HIRA: variants seen among roughly 807,000 people sequenced by gnomAD.
HIRA encodes protein HIRA.
HIRA carries 13 observed loss-of-function variants against 126.6 expected under a neutral mutation model. The ratio of observed to expected loss-of-function variants is 0.10; its 90% confidence interval spans 0.07 to 0.16. HIRA has a LOEUF of 0.16. Ranked by LOEUF, HIRA falls within the 10% of genes least tolerant of loss-of-function variation. The pLI is 1.00. For missense variants in HIRA, 834 were observed against 1,314.4 expected, an observed-to-expected ratio of 0.63 and a Z score of 5.65; for synonymous variants, 511 against 520.0, an observed-to-expected ratio of 0.98 and a Z score of 0.24.
chr22:19,402,027 A>T (rs1233170376), intron 5 of HIRA, among the ~76,000 whole-genome samples: 2 of 152,154 alleles, frequency 1.3e-5, no homozygotes, highest in Non-Finnish European at 2.9e-5. Context: ...CCATGCTCCA[A>T]GGCCTTCGCA....
At chr22:19,417,308 G>A (rs116403081) in intron 1 of HIRA, among the ~76,000 whole-genome samples, 2,634 of 152,046 alleles carry the variant, frequency 0.017, 64 homozygotes, top group African/African-American at 0.059. Context: ...CCACAATTAC[G>A]TATTACCTCA....
chr22:19,400,483 G>A (rs1187011926), intron 5 of HIRA, among the ~76,000 whole-genome samples: 1 of 152,124 alleles, frequency 6.6e-6, no homozygotes, highest in Non-Finnish European at 1.5e-5. Flanking sequence ...TCAAACCCAT[G>A]ATGTTTCTAT....
intron 1 of HIRA, among the ~76,000 whole-genome samples, chr22:19,429,547 G>C (rs969251727): frequency 5.3e-5 from 8 of 152,202 alleles, no homozygotes; most frequent in Non-Finnish European, 1.0e-4. Flanking sequence ...GAAGTGGTTA[G>C]AGTAGATATT....
chr22:19,398,872 G>A (rs28674677), intron 5 of HIRA, among the ~76,000 whole-genome samples: 52 of 152,092 alleles, frequency 3.4e-4, no homozygotes, highest in African/African-American at 1.3e-3. Context: ...AGGAAGTTGA[G>A]GTGGGAGGAT....
chr22:19,376,966 G>A (rs1361312697), intron 14 of HIRA, among the ~76,000 whole-genome samples: 1 of 152,158 alleles, frequency 6.6e-6, no homozygotes, highest in Non-Finnish European at 1.5e-5. Flanking sequence ...AGCCTTCTAC[G>A]TCTCCACTCT....
chr22:19,419,918 C>T (rs1311068503), intron 1 of HIRA, among the ~76,000 whole-genome samples: 2 of 152,148 alleles, frequency 1.3e-5, no homozygotes, highest in Admixed American at 1.3e-4. Flanking sequence ...CTACCACTTT[C>T]GACCACAAAA....
At chr22:19,397,191 T>C (rs2089230993) in intron 6 of HIRA, among the ~76,000 whole-genome samples, 1 of 152,186 alleles carries the variant, frequency 6.6e-6, no homozygotes, top group Non-Finnish European at 1.5e-5. Flanking sequence ...CTTATCTGTA[T>C]CTAGCGGCCC....
At chr22:19,337,901 C>A (rs1408285858) in intron 24 of HIRA, among the ~76,000 whole-genome samples, 18 of 152,092 alleles carry the variant, frequency 1.2e-4, no homozygotes, top group Admixed American at 1.2e-3. Context: ...ACGCAATTCT[C>A]CTGCCTCAGC....
intron 5 of HIRA, among the ~76,000 whole-genome samples, chr22:19,401,974 C>T (rs557323004): frequency 1.3e-5 from 2 of 152,176 alleles, no homozygotes; most frequent in African/African-American, 2.4e-5. Context: ...CCTCCTCCCC[C>T]GCCCCAGCTC....
At chr22:19,379,848 C>G (rs186553053) in intron 13 of HIRA, among the ~76,000 whole-genome samples, 1 of 151,754 alleles carries the variant, frequency 6.6e-6, no homozygotes, top group African/African-American at 2.4e-5. Context: ...CTCGCTGTGT[C>G]GCCAGGCTGG....
At chr22:19,400,215 AT>A (rs1160223884) in intron 5 of HIRA, among the ~76,000 whole-genome samples, 1 of 152,226 alleles carries the variant, frequency 6.6e-6, no homozygotes, top group Non-Finnish European at 1.5e-5. Flanking sequence ...CTTGAAAAAT[AT>A]TCTCTCTGCT....
At position 19,361,325 on chromosome 22, in the gene HIRA, G is replaced by T. The variant is rs772043762; in HGVS notation, c.1997C>A (p.Thr666Asn). 1 of 1,614,194 alleles carries T rather than the reference G, an allele frequency of 6.2e-7. No individual in the cohort carries two copies. Among genetic ancestry groups the T allele is most frequent in the East Asian group, 2.2e-5 (1 of 44,884 alleles). Residue 666 changes from threonine to asparagine, a missense_variant, in exon 17 of 25, where the codon ACC becomes AAC. By Grantham distance (65) the Thr-to-Asn change is moderately conservative. Coordinates refer to ENST00000263208, the MANE Select transcript of HIRA (RefSeq NM_003325.4). ...SLSVQSPAAL[T>N]AEKEAMCLSA... is the part of the protein sequence containing the mutation. ...CAGACACATGGCCTCCTTCTCTGCG[G>T]TTAGGGCAGCTGGAGACTGGAAGAG...
At chr22:19,426,101 A>G (rs1239636817) in intron 1 of HIRA, among the ~76,000 whole-genome samples, 1 of 152,168 alleles carries the variant, frequency 6.6e-6, no homozygotes, top group East Asian at 1.9e-4. Context: ...GCCAAGTCCC[A>G]TTAATTCTAC....
At chr22:19,421,236 T>C (rs2089443509) in intron 1 of HIRA, among the ~76,000 whole-genome samples, 1 of 150,930 alleles carries the variant, frequency 6.6e-6, no homozygotes, top group South Asian at 2.1e-4. Context: ...GAGGCAGAGA[T>C]TGCAGTGAGC....
chr22:19,361,159 G>T, intron 17 of HIRA, 78 bp downstream of exon 17: 1 of 1,103,918 alleles, frequency 9.1e-7, no homozygotes, highest in Non-Finnish European at 1.4e-6. Flanking sequence ...GAAGTGACAA[G>T]ATAGGATTTG....
chr22:19,399,190 G>C, intron 5 of HIRA: 1 of 981,266 alleles, frequency 1.0e-6, no homozygotes, highest in African/African-American at 1.7e-5. Context: ...GCCTGGTGCA[G>C]TGCTAGGTAT....
intron 1 of HIRA, among the ~76,000 whole-genome samples, chr22:19,425,266 C>T (rs1337882867): frequency 6.6e-6 from 1 of 152,252 alleles, no homozygotes; most frequent in African/African-American, 2.4e-5. Context: ...CCACTCACTT[C>T]TAGGTGTTGT....
At chr22:19,417,530 G>A (rs2089409116) in intron 1 of HIRA, among the ~76,000 whole-genome samples, 1 of 152,072 alleles carries the variant, frequency 6.6e-6, no homozygotes, top group African/African-American at 2.4e-5. Flanking sequence ...GCTGAGGCAG[G>A]AGAATCACTT....
intron 5 of HIRA, among the ~76,000 whole-genome samples, chr22:19,400,133 T>C (rs1311364102): frequency 6.6e-6 from 1 of 152,224 alleles, no homozygotes. Flanking sequence ...TCTCTACTTT[T>C]TTATACTGTA....
Sources: gnomAD v4.1 joint callset for allele counts (sites outside exome capture counted in the v4.1 genomes callset) on GRCh38, gnomAD v4.1.1 for gene constraint, MANE v1.5 for transcripts, NCBI Gene and HGNC (gene_info 2026-07-23, HGNC 2026-07-21) for gene names.